The following TNFRSF19 variants were observed in gnomAD, a reference collection of about 807,000 sequenced individuals.
TNFRSF19 encodes the protein tumor necrosis factor receptor superfamily member 19.
Under a neutral mutation model 46.4 loss-of-function variants are expected in TNFRSF19, and 27 were observed. The ratio of observed to expected loss-of-function variants is 0.58; its 90% confidence interval spans 0.43 to 0.80. The LOEUF is 0.80. TNFRSF19 is among the 30% of genes least tolerant of loss of function. The pLI is 0.00. For missense variants in TNFRSF19, 511 were observed against 530.8 expected (o/e 0.96, Z 0.37); for synonymous variants, 204 against 205.0 (o/e 1.00, Z 0.04).
At chr13:23,640,487 C>T (rs1327960034) in intron 5 of TNFRSF19, among the ~76,000 whole-genome samples, 2 of 152,174 alleles carry the variant, frequency 1.3e-5, no homozygotes, top group African/African-American at 4.8e-5. Flanking sequence ...AAAACTAAAA[C>T]AGTCAGAGAG....
chr13:23,619,530 A>G (rs544827962), intron 4 of TNFRSF19, among the ~76,000 whole-genome samples: 1 of 152,168 alleles, frequency 6.6e-6, no homozygotes, highest in African/African-American at 2.4e-5. Context: ...ATTGTGTGGT[A>G]TATAAAGTAT....
At position 23,574,647 on chromosome 13, in the gene TNFRSF19, C is replaced by T. The variant is rs150043117; in HGVS notation, c.-35+3799C>T. ...TAGTCGGATTCTCTTTCTGTGATGG[C>T]AAGGCCAGTCCAAGCCACCCTGGAA... is the stretch of plus-strand genomic sequence containing the variant. On this transcript the variant is annotated intron_variant, in intron 1 of 9. Transcript: ENST00000248484. Among the ~76,000 whole-genome samples the T allele has an allele frequency of 2.5e-3, 387 of 152,296 alleles. 1 individual carries two copies. The Middle Eastern group carries it at 0.034, about 13-fold the overall frequency.
chr13:23,660,935 T>C (rs1884326932), intron 7 of TNFRSF19, among the ~76,000 whole-genome samples: 2 of 152,314 alleles, frequency 1.3e-5, no homozygotes, highest in African/African-American at 4.8e-5. Flanking sequence ...TTCAAGGTTT[T>C]ACACAAACCA....
Position 23,593,370 on chromosome 13 carries a change from G to C in TNFRSF19, c.95G>C (p.Gly32Ala), listed in dbSNP as rs2138188841. 6.3e-7 allele frequency: 1 copy of C among 1,582,634 alleles called. No individual in the cohort carries two copies. Among genetic ancestry groups the C allele is most frequent in the Middle Eastern group, 1.7e-4 (1 of 6,010 alleles). ...TCATGTAAAGTGACTTGTGAATCAG[G>C]AGACTGTAGACAGCAAGAATTCAGG... ...YLSCKVTCES[G>A]DCRQQEFRDR... Residue 32 changes from glycine to alanine, a missense_variant, in exon 3 of 10, where the codon GGA becomes GCA. Transcript: ENST00000248484.
intron 5 of TNFRSF19, among the ~76,000 whole-genome samples, chr13:23,641,219 C>T (rs148446845): frequency 1.8e-4 from 28 of 152,342 alleles, no homozygotes; most frequent in African/African-American, 6.7e-4. Flanking sequence ...TGAGTGAGAA[C>T]ATTTACCATG....
chr13:23,608,442 C>T (rs1241471516), intron 3 of TNFRSF19, among the ~76,000 whole-genome samples: 1 of 152,196 alleles, frequency 6.6e-6, no homozygotes, highest in African/African-American at 2.4e-5. Flanking sequence ...TAACCATCCC[C>T]ATCTTATGGA....
chr13:23,611,153 C>CA (rs1304752419), intron 3 of TNFRSF19, among the ~76,000 whole-genome samples: 10 of 126,010 alleles, frequency 7.9e-5, no homozygotes, highest in African/African-American at 2.8e-4. Context: ...CACACACACT[C>CA]CTTCTCTTGC....
At chr13:23,664,529 T>C (rs1321202419) in intron 7 of TNFRSF19, among the ~76,000 whole-genome samples, 4 of 152,192 alleles carry the variant, frequency 2.6e-5, no homozygotes, top group Non-Finnish European at 5.9e-5. Context: ...CCCCGTCCTC[T>C]TACTACTTTA....
At chr13:23,580,943 A>G (rs1878366311) in intron 1 of TNFRSF19, among the ~76,000 whole-genome samples, 1 of 152,198 alleles carries the variant, frequency 6.6e-6, no homozygotes, top group Non-Finnish European at 1.5e-5. Flanking sequence ...TTTTTTCCAT[A>G]GTAAGTGCTA....
rs144227429 is a variant in TNFRSF19 at position 23,669,021 on chromosome 13, A to T, written c.1169A>T (p.Asp390Val). ...CTGGTAGAATCAGCATCAACTCAGGATGCACTAACTATGAGAAGCCAGCTA... is the reference window on the plus strand; with the variant it reads ...CTGGTAGAATCAGCATCAACTCAGGTTGCACTAACTATGAGAAGCCAGCTA... ...NTLVESASTQ[D>V]ALTMRSQLDQ... The change falls in exon 9 of 10, where the codon GAT becomes GTT. Residue 390 changes from aspartate (D) to valine (V), a missense_variant. Around this residue, in one of 3 missense-constraint regions of TNFRSF19, gnomAD observed 376 missense variants for 372.7 expected, o/e 1.01. Transcript: ENST00000248484. The T allele has an allele frequency of 7.4e-6, 12 of 1,614,212 alleles. No individual in the cohort carries two copies. Among genetic ancestry groups the T allele is most frequent in the Non-Finnish European group, 6.8e-6 (8 of 1,180,048 alleles).
chr13:23,656,672 G>C (rs1034068), intron 5 of TNFRSF19, among the ~76,000 whole-genome samples: 40,616 of 152,090 alleles, frequency 0.27, 5,833 homozygotes, highest in Non-Finnish European at 0.33. Context: ...GGTTATTTGA[G>C]CAAAAATTTA....
chr13:23,638,174 G>A (rs888337941), intron 5 of TNFRSF19, among the ~76,000 whole-genome samples: 3 of 152,108 alleles, frequency 2.0e-5, no homozygotes, highest in South Asian at 2.1e-4. Flanking sequence ...TTATGGGTCC[G>A]TAGACTATTA....
chr13:23,587,467 T>A (rs1444907317), intron 1 of TNFRSF19, among the ~76,000 whole-genome samples: 1 of 152,232 alleles, frequency 6.6e-6, no homozygotes, highest in Non-Finnish European at 1.5e-5. Flanking sequence ...AGTTGTAGTG[T>A]CTTCTAGCCT....
chr13:23,604,078 A>G (rs568957313), intron 3 of TNFRSF19, among the ~76,000 whole-genome samples: 2 of 152,228 alleles, frequency 1.3e-5, no homozygotes, highest in South Asian at 4.1e-4. Context: ...TTGTTCACAT[A>G]TGGCATAATC....
At chr13:23,661,409 A>G (rs1479087167) in intron 7 of TNFRSF19, among the ~76,000 whole-genome samples, 1 of 152,218 alleles carries the variant, frequency 6.6e-6, no homozygotes, top group Non-Finnish European at 1.5e-5. Context: ...TCCATGGTGT[A>G]TATATGCCAC....
chr13:23,657,644 T>C (rs1884066569), intron 5 of TNFRSF19, among the ~76,000 whole-genome samples: 1 of 152,244 alleles, frequency 6.6e-6, no homozygotes, highest in Non-Finnish European at 1.5e-5. Context: ...TAAGATATAT[T>C]GGCTAAGTAA....
chr13:23,615,864 C>A lies in TNFRSF19; in HGVS notation c.181-3C>A, dbSNP rs199587289. The A allele has an allele frequency of 6.3e-7, 1 of 1,591,232 alleles. No homozygotes were observed. Among genetic ancestry groups the A allele is most frequent in the Non-Finnish European group, 8.6e-7 (1 of 1,165,576 alleles). On this transcript the variant is annotated splice_polypyrimidine_tract_variant and splice_region_variant and intron_variant, in intron 3 of 9. Coordinates refer to ENST00000248484, the MANE Select transcript of TNFRSF19 (RefSeq NM_148957.4). Reference sequence around the variant, plus strand: ...GCTTTCTGTTACCCGTTAATCCCCACAGGAATGTGGCTTCGGCTATGGGGA... The same window carrying A: ...GCTTTCTGTTACCCGTTAATCCCCAAAGGAATGTGGCTTCGGCTATGGGGA...
Position 23,624,132 on chromosome 13 carries a change from A to C in TNFRSF19, c.360-2575A>C, listed in dbSNP as rs151199622. Among the ~76,000 whole-genome samples the C allele has an allele frequency of 4.3e-3, 657 of 152,254 alleles. 5 individuals carry two copies. Among genetic ancestry groups the C allele is most frequent in the African/African-American group, 0.015 (623 of 41,560 alleles). ...TGTCCAGTTTCTCCAACATTCCTTA[A>C]AGAGACTGTTCTTTCCTCACTGAGT... On this transcript the variant is annotated intron_variant, in intron 4 of 9. Transcript: ENST00000248484.
intron 7 of TNFRSF19, among the ~76,000 whole-genome samples, chr13:23,664,132 G>A (rs1037563795): frequency 1.3e-5 from 2 of 152,034 alleles, no homozygotes; most frequent in African/African-American, 4.8e-5. Flanking sequence ...TTTTATTTGG[G>A]TGTTTAGTGC....
Sources: allele counts gnomAD v4.1 joint callset (sites outside exome capture counted in the v4.1 genomes callset), GRCh38; gene constraint gnomAD v4.1.1; regional missense constraint gnomAD v4.1.1; transcripts MANE v1.5; gene names NCBI Gene and HGNC (gene_info 2026-07-23, HGNC 2026-07-21).